PMM2: variants seen among roughly 807,000 people sequenced by gnomAD.
PMM2 encodes the protein mannose-6-phosphate isomerase.
PMM2 carries 35 observed loss-of-function variants against 33.2 expected under a neutral mutation model. The observed-to-expected ratio is 1.06, with a 90% CI of 0.81 to 1.40. The LOEUF is 1.40. Among genes scored for constraint, PMM2 ranks in the 40% most tolerant of loss-of-function variants. The probability of loss-of-function intolerance (pLI) is 0.00; values close to 1 mark genes in which losing one functional copy is unlikely to be tolerated. For synonymous variants in PMM2, 153 were observed against 114.7 expected (o/e 1.33, Z -2.13); for missense variants, 386 against 306.0 (o/e 1.26, Z -1.95).
At position 8,849,009 on chromosome 16, in the gene PMM2, G is replaced by T. The variant is rs962733243; in HGVS notation, c.*1184G>T. 1 of 152,238 alleles carries T rather than the reference G, an allele frequency of 6.6e-6. No homozygotes were observed. The highest frequency in any genetic ancestry group is 2.4e-5 in the African/African-American group (1 of 41,442). 9.4% of individuals were successfully genotyped at this position (152,238 alleles called of 1,614,324 possible). A position where few individuals can be genotyped will look rare whatever the true frequency, so the allele number is the denominator to read the frequency against. On this transcript the variant is annotated 3_prime_UTR_variant, in exon 8 of 8. Transcript: ENST00000268261. ...AACACTGAGCCATACACCCTCCATT[G>T]CTTGGTGCTGGGGTTGTGTGGCCTC...
At chr16:8,821,116 G>C (rs1393305491) in intron 7 of PMM2, among the ~76,000 whole-genome samples, 1 of 152,204 alleles carries the variant, frequency 6.6e-6, no homozygotes, top group East Asian at 1.9e-4. Flanking sequence ...GGGACCACAT[G>C]ATTTGAGACC....
At position 8,837,748 on chromosome 16, in the gene PMM2, T is replaced by G. The variant is rs1310127116; in HGVS notation, c.640-9976T>G. On this transcript the variant is annotated intron_variant, in intron 7 of 7. Coordinates refer to ENST00000268261, the MANE Select transcript of PMM2 (RefSeq NM_000303.3). ...TGCCTCTCCGCCAGAAAAGTGGGAC[T>G]TGCCGCTAAGGGTGAAGGACCAAGG... Among the ~76,000 whole-genome samples, 2 of 152,002 alleles carry G rather than the reference T, an allele frequency of 1.3e-5. 1 individual carries two copies. Among genetic ancestry groups the G allele is most frequent in the Non-Finnish European group, 2.9e-5 (2 of 67,988 alleles).
intron 7 of PMM2, among the ~76,000 whole-genome samples, chr16:8,820,414 C>T (rs942623756): frequency 1.3e-5 from 2 of 148,292 alleles, no homozygotes; most frequent in Admixed American, 6.8e-5. Context: ...AGTGCAGTGG[C>T]GCAATCTTGG....
intron 7 of PMM2, among the ~76,000 whole-genome samples, chr16:8,817,765 C>T (rs1016107656): frequency 6.6e-6 from 1 of 152,180 alleles, no homozygotes; most frequent in Admixed American, 6.5e-5. Context: ...AGAAAGTCAC[C>T]TATAATCATC....
chr16:8,802,889 T>G (rs1241909965), intron 2 of PMM2, among the ~76,000 whole-genome samples: 1 of 151,770 alleles, frequency 6.6e-6, no homozygotes, highest in East Asian at 1.9e-4. Flanking sequence ...TTTTAACCCC[T>G]GTTGTCCCCA....
chr16:8,836,054 T>C (rs1325104332), intron 7 of PMM2, among the ~76,000 whole-genome samples: 2 of 151,222 alleles, frequency 1.3e-5, no homozygotes, highest in East Asian at 1.9e-4. Flanking sequence ...AATGTCTAAA[T>C]TGGCACCAGA....
intron 7 of PMM2, among the ~76,000 whole-genome samples, chr16:8,823,357 A>C (rs2060748865): frequency 6.6e-6 from 1 of 152,258 alleles, no homozygotes; most frequent in Non-Finnish European, 1.5e-5. Context: ...CAGAGAATTC[A>C]GGATTTAGTC....
chr16:8,826,884 C>T (rs2060771475), intron 7 of PMM2, among the ~76,000 whole-genome samples: 1 of 151,804 alleles, frequency 6.6e-6, no homozygotes. Flanking sequence ...CCTATGTGTC[C>T]CTCTTTCGTG....
intron 1 of PMM2, among the ~76,000 whole-genome samples, chr16:8,799,996 C>A (rs1378681480): frequency 6.6e-6 from 1 of 152,184 alleles, no homozygotes; most frequent in East Asian, 1.9e-4. Flanking sequence ...AAAGAAAAAT[C>A]ATTGAACTCC....
At chr16:8,832,073 C>G in intron 7 of PMM2, 1 of 906,450 alleles carries the variant, frequency 1.1e-6, no homozygotes, top group South Asian at 5.1e-5. Flanking sequence ...TAGAGGGCAG[C>G]CAGCTTTCCT....
chr16:8,831,824 T>C (rs2060811502), intron 7 of PMM2, among the ~76,000 whole-genome samples: 1 of 152,214 alleles, frequency 6.6e-6, no homozygotes, highest in Non-Finnish European at 1.5e-5. Context: ...ATTAGGGATT[T>C]AAATATTAAT....
chr16:8,839,061 A>G (rs2060872213), intron 7 of PMM2, among the ~76,000 whole-genome samples: 1 of 152,030 alleles, frequency 6.6e-6, no homozygotes, highest in Non-Finnish European at 1.5e-5. Flanking sequence ...AGGTCATGAC[A>G]GAGGTTGAAA....
chr16:8,809,796 GTTTTTTA>G lies in PMM2; in HGVS notation c.348-1276_348-1270del, dbSNP rs534268083. ...CGTGGAAAAAAACTCTTTGTTTTTT[GTTTTTTA>G]TTTTTTGTTTGTTCGTTTGTTTTTT... On this transcript the variant is annotated intron_variant, in intron 4 of 7. Transcript: ENST00000268261. The G allele has an allele frequency of 7.9e-5, 12 of 152,058 alleles. No homozygotes were observed. The East Asian group carries it at 2.1e-3, about 27-fold the overall frequency. 9.4% of individuals were successfully genotyped at this position (152,058 alleles called of 1,614,324 possible).
chr16:8,846,168 C>A (rs1378957714), intron 7 of PMM2, among the ~76,000 whole-genome samples: 2 of 152,188 alleles, frequency 1.3e-5, no homozygotes, highest in East Asian at 3.9e-4. Flanking sequence ...CAGCGACGTT[C>A]CCTCCTGAAG....
chr16:8,820,078 TC>T (rs2060729187), intron 7 of PMM2, among the ~76,000 whole-genome samples: 2 of 152,158 alleles, frequency 1.3e-5, no homozygotes, highest in South Asian at 4.1e-4. Flanking sequence ...CATGCCTGGA[TC>T]CCAGCTACTC....
intron 7 of PMM2, among the ~76,000 whole-genome samples, chr16:8,833,418 G>A (rs752323283): frequency 3.4e-4 from 52 of 152,262 alleles, no homozygotes; most frequent in Non-Finnish European, 5.0e-4. Context: ...GGATGTATAC[G>A]TGCAAGTCAC....
intron 7 of PMM2, among the ~76,000 whole-genome samples, chr16:8,839,287 T>A (rs1663519903): frequency 6.6e-6 from 1 of 151,834 alleles, no homozygotes; most frequent in South Asian, 2.1e-4. Flanking sequence ...AGGTAAAGGA[T>A]CCACAGAGGA....
chr16:8,832,797 G>GGCCCCA (rs1164661195), intron 7 of PMM2: 23 of 985,196 alleles, frequency 2.3e-5, no homozygotes, highest in Middle Eastern at 5.2e-4. Context: ...GCTGTGGCCC[G>GGCCCCA]GCCCCAGCCC....
At position 8,849,000 on chromosome 16, in the gene PMM2, C is replaced by G. The variant is rs1302433771; in HGVS notation, c.*1175C>G. The G allele has an allele frequency of 6.6e-6, 1 of 152,268 alleles. No homozygotes were observed. Among genetic ancestry groups the G allele is most frequent in the Non-Finnish European group, 1.5e-5 (1 of 68,076 alleles). The allele number at this position is 152,268 out of a possible 1,614,324, so 9.4% of individuals were successfully genotyped here. On this transcript the variant is annotated 3_prime_UTR_variant, in exon 8 of 8. Coordinates refer to ENST00000268261, the MANE Select transcript of PMM2 (RefSeq NM_000303.3). ...GGATGTGGAAACACTGAGCCATACA[C>G]CCTCCATTGCTTGGTGCTGGGGTTG... is the stretch of plus-strand genomic sequence containing the variant.
Sources: allele counts gnomAD v4.1 joint callset (sites outside exome capture counted in the v4.1 genomes callset), GRCh38; gene constraint gnomAD v4.1.1; transcripts MANE v1.5; gene names NCBI Gene and HGNC (gene_info 2026-07-23, HGNC 2026-07-21).